Variants in FLNB observed in about 807,000 individuals in gnomAD.
FLNB encodes the protein filamin-B.
A neutral mutation model predicts 250.6 loss-of-function variants in FLNB; 111 were observed. The ratio of observed to expected loss-of-function variants is 0.44; its 90% confidence interval spans 0.38 to 0.52. FLNB has a LOEUF of 0.52. Ranked by LOEUF, FLNB falls within the 20% of genes least tolerant of loss-of-function variation. The probability of loss-of-function intolerance (pLI) is 0.00; values close to 1 mark genes in which losing one functional copy is unlikely to be tolerated. For missense variants in FLNB, 2,869 were observed against 3,447.8 expected, an observed-to-expected ratio of 0.83 and a Z score of 4.20; for synonymous variants, 1,302 against 1,372.1, an observed-to-expected ratio of 0.95 and a Z score of 1.13.
At chr3:58,056,695 G>T (rs144123761) in intron 1 of FLNB, among the ~76,000 whole-genome samples, 2 of 152,126 alleles carry the variant, frequency 1.3e-5, no homozygotes, top group East Asian at 3.9e-4. Flanking sequence ...GCCGCCTCCT[G>T]GGTTCAAGCC....
chr3:58,140,159 G>A (rs888281553), intron 29 of FLNB, among the ~76,000 whole-genome samples: 51 of 152,284 alleles, frequency 3.3e-4, no homozygotes, highest in African/African-American at 1.2e-3. Context: ...TAGATTCCCT[G>A]CTTCCCTCTA....
intron 18 of FLNB, among the ~76,000 whole-genome samples, chr3:58,115,865 G>A (rs577701717): frequency 1.1e-4 from 17 of 152,234 alleles, no homozygotes; most frequent in African/African-American, 4.1e-4. Context: ...GGTGGCACTG[G>A]GGTCCTTCTT....
Position 58,168,559 on chromosome 3 carries a change from G to C in FLNB, c.7318G>C (p.Val2440Leu). Residue 2440 changes from valine to leucine, a missense_variant, in exon 44 of 46, where the codon GTC (valine) becomes CTC (leucine). Coordinates refer to ENST00000295956, the MANE Select transcript of FLNB (RefSeq NM_001457.4). The stretch of plus-strand genomic sequence containing the variant: ...CCAGGAAACACCTGAAGGGTACAAA[G>C]TCATGTACACCCCCATGGCTCCTGG... ...DCQETPEGYK[V>L]MYTPMAPGNY... 6.2e-7 allele frequency: 1 copy of C among 1,614,136 alleles called. No individual in the cohort carries two copies. The highest frequency in any genetic ancestry group is 8.5e-7 in the Non-Finnish European group (1 of 1,179,944).
At chr3:58,170,526 G>A (rs1388058837) in intron 45 of FLNB, 49 bp from the exon 46 acceptor site, 4 of 1,577,260 alleles carry the variant, frequency 2.5e-6, no homozygotes, top group Non-Finnish European at 3.5e-6. Context: ...TCTTCTTCCT[G>A]TGCCTGTCCT....
In FLNB at chr3:58,104,105, G is replaced by A. The variant is rs1460687446; in HGVS notation, c.1610+20G>A. 6.2e-7 allele frequency: 1 copy of A among 1,613,398 alleles called. No homozygotes were observed. The highest frequency in any genetic ancestry group is 1.3e-5 in the African/African-American group (1 of 74,988). On this transcript the variant is annotated intron_variant, in intron 10 of 45. Transcript: ENST00000295956. ...AAAGAGGTGAGGCTCCTGCTGCAGA[G>A]GGGTCTTCTCTGGAGGGTGCTCGGC...
intron 1 of FLNB, among the ~76,000 whole-genome samples, chr3:58,029,934 T>C (rs1201901041): frequency 2.6e-5 from 4 of 152,196 alleles, no homozygotes; most frequent in African/African-American, 9.7e-5. Context: ...ATAATCATAG[T>C]TTCTATCTGA....
intron 1 of FLNB, among the ~76,000 whole-genome samples, chr3:58,071,397 G>A (rs2106925682): frequency 6.7e-6 from 1 of 149,740 alleles, no homozygotes; most frequent in East Asian, 2.0e-4. Context: ...TTGTGCTTCA[G>A]CCACCCAAGT....
In FLNB at chr3:58,078,738, C is replaced by T; in HGVS notation, c.563C>T (p.Ser188Phe). The T allele has an allele frequency of 6.2e-7, 1 of 1,613,830 alleles. No individual in the cohort carries two copies. The highest frequency in any genetic ancestry group is 8.5e-7 in the Non-Finnish European group (1 of 1,179,878). The change falls in exon 3 of 46, where the codon TCC becomes TTC. Residue 188 changes from serine to phenylalanine, a missense_variant. By Grantham distance (155) the Ser-to-Phe change is radical. This residue lies in a region of FLNB where 308 missense variants were observed against 466.1 expected (regional missense o/e 0.66). Transcript: ENST00000295956. The stretch of plus-strand genomic sequence containing the variant: ...ACAGGTCTGTGCCCAGACTGGGAAT[C>T]CTGGGACCCGCAGAAGCCTGTGGAT... Reference protein sequence around the residue: ...CAPGLCPDWESWDPQKPVDNA... With the variant: ...CAPGLCPDWEFWDPQKPVDNA...
In FLNB at chr3:58,108,503, A is replaced by C; in HGVS notation, c.1987A>C (p.Asn663His). 6.2e-7 allele frequency: 1 copy of C among 1,614,188 alleles called. No individual in the cohort carries two copies. The highest frequency in any genetic ancestry group is 1.7e-5 in the Admixed American group (1 of 60,034). The change falls in exon 13 of 46, where the codon AAC (asparagine) becomes CAC (histidine). Residue 663 changes from asparagine (N) to histidine (H), a missense_variant. Transcript: ENST00000295956. ...TTTGGAGAAATCTGGATGCATTGTC[A>C]ACAACCTGGCCGAGTTCACTGTGGA... is the stretch of plus-strand genomic sequence containing the variant. The part of the protein sequence containing the change: ...PGLEKSGCIV[N>H]NLAEFTVDPK...
rs1245413284 is a variant in FLNB, at chr3:58,097,955, C to G, written c.1125C>G (p.Thr375=). The change falls in exon 7 of 46, where the codon ACC becomes ACG. Residue 375 remains threonine, a synonymous_variant. Transcript: ENST00000295956. ...EAVGNIANKP[T]YFDIYTAGAG... ...TAGGGAACATCGCCAATAAGCCCAC[C>G]TACTTTGACATCTATACGGCAGGTA... The G allele has an allele frequency of 6.2e-7, 1 of 1,614,094 alleles. No homozygotes were observed. Among genetic ancestry groups the G allele is most frequent in the Admixed American group, 1.7e-5 (1 of 60,018 alleles).
intron 28 of FLNB, among the ~76,000 whole-genome samples, chr3:58,137,953 C>T (rs1245643431): frequency 1.3e-5 from 2 of 152,174 alleles, no homozygotes; most frequent in Non-Finnish European, 2.9e-5. Context: ...GTCTTGCCCA[C>T]CTTTATGTGT....
At chr3:58,029,974 A>G (rs1232034150) in intron 1 of FLNB, among the ~76,000 whole-genome samples, 2 of 152,196 alleles carry the variant, frequency 1.3e-5, no homozygotes, top group Non-Finnish European at 2.9e-5. Context: ...TAACGAGCTA[A>G]ATTGTAAAGT....
At position 58,172,106 on chromosome 3, in the gene FLNB, C is replaced by A. The variant is rs2097383258; in HGVS notation, c.*1344C>A. 1 of 152,510 alleles carries A rather than the reference C, an allele frequency of 6.6e-6. No homozygotes were observed. The highest frequency in any genetic ancestry group is 1.5e-5 in the Non-Finnish European group (1 of 68,062). The allele number at this position is 152,510 out of a possible 1,614,324, so 9.4% of individuals were successfully genotyped here. A position where few individuals can be genotyped will look rare whatever the true frequency, so the allele number is the denominator to read the frequency against. ...TGGGGCGAGTGTTGGGGGTAAAAGC[C>A]CACCCTACAGAAAGTGGAACAGCCC... is the stretch of plus-strand genomic sequence containing the variant. On this transcript the variant is annotated 3_prime_UTR_variant, in exon 46 of 46. Transcript: ENST00000295956.
At position 58,008,751 on chromosome 3, in the gene FLNB, T is replaced by C. The variant is rs1378933541; in HGVS notation, c.187T>C (p.Tyr63His). 1 of 1,613,912 alleles carries C rather than the reference T, an allele frequency of 6.2e-7. No homozygotes were observed. Among genetic ancestry groups the C allele is most frequent in the Non-Finnish European group, 8.5e-7 (1 of 1,179,936 alleles). Residue 63 changes from tyrosine to histidine, a missense_variant, in exon 1 of 46, where the codon TAC (tyrosine) becomes CAC (histidine). This residue lies in a region of FLNB where 308 missense variants were observed against 466.1 expected (regional missense o/e 0.66). Coordinates refer to ENST00000295956, the MANE Select transcript of FLNB (RefSeq NM_001457.4). ...LLEVLSQKRMYRKYHQRPTFR... is the reference protein window; with the variant it reads ...LLEVLSQKRMHRKYHQRPTFR... ...CGAGGTGCTCAGCCAGAAGCGCATG[T>C]ACCGCAAGTACCATCAGCGGCCCAC...
At chr3:58,105,053 A>G in intron 10 of FLNB, 27 bp from the exon 11 acceptor site, 1 of 1,614,158 alleles carries the variant, frequency 6.2e-7, no homozygotes, top group Non-Finnish European at 8.5e-7. Context: ...CTCTTCTTTG[A>G]TGCTTCTTCT....
intron 1 of FLNB, among the ~76,000 whole-genome samples, chr3:58,071,299 G>A: frequency 9.8e-6 from 1 of 102,324 alleles, no homozygotes; most frequent in Non-Finnish European, 1.8e-5. Context: ...TTTTTTTTGA[G>A]ACAGAGTCTC....
At chr3:58,106,083 A>G (rs556298379) in intron 11 of FLNB, among the ~76,000 whole-genome samples, 1 of 152,124 alleles carries the variant, frequency 6.6e-6, no homozygotes, top group Non-Finnish European at 1.5e-5. Context: ...GTATGCCTTC[A>G]TTTTCCATAG....
chr3:58,060,031 C>A (rs1229981286), intron 1 of FLNB, among the ~76,000 whole-genome samples: 1 of 152,190 alleles, frequency 6.6e-6, no homozygotes, highest in Non-Finnish European at 1.5e-5. Flanking sequence ...ATGGAGCCAA[C>A]AGCAGTTCCT....
intron 41 of FLNB, among the ~76,000 whole-genome samples, 181 bp downstream of exon 41, chr3:58,156,256 C>T (rs753154008): frequency 1.1e-4 from 17 of 152,172 alleles, no homozygotes; most frequent in Non-Finnish European, 1.3e-4. Flanking sequence ...ACACTTAGGG[C>T]GGATGACACT....
Sources: allele counts gnomAD v4.1 joint callset (sites outside exome capture counted in the v4.1 genomes callset), GRCh38; gene constraint gnomAD v4.1.1; regional missense constraint gnomAD v4.1.1; transcripts MANE v1.5; gene names NCBI Gene and HGNC (gene_info 2026-07-23, HGNC 2026-07-21).